The following CCDC6 variants were observed in gnomAD, a reference collection of about 807,000 sequenced individuals.
CCDC6 encodes the protein coiled-coil domain containing 6, also known as coiled-coil domain-containing protein 6.
In CCDC6, 20 loss-of-function variants were observed where a neutral mutation model predicts 56.6. That is an observed-to-expected ratio of 0.35 (90% CI 0.25 to 0.51). CCDC6 has a LOEUF of 0.51. Ranked by LOEUF, CCDC6 falls within the 20% of genes least tolerant of loss-of-function variation. The pLI, the probability that CCDC6 is intolerant of heterozygous loss-of-function variation, is 0.95. For synonymous variants in CCDC6, 241 were observed against 234.4 expected, an observed-to-expected ratio of 1.03 and a Z score of -0.26; for missense variants, 367 against 601.1, an observed-to-expected ratio of 0.61 and a Z score of 4.07.
intron 2 of CCDC6, among the ~76,000 whole-genome samples, chr10:59,851,134 A>G (rs915668626): frequency 2.8e-4 from 30 of 106,764 alleles, no homozygotes; most frequent in African/African-American, 5.1e-4. Flanking sequence ...GTAAATTGAA[A>G]AAAAAAAAAA....
At chr10:59,855,620 G>T (rs1302303609) in intron 1 of CCDC6, among the ~76,000 whole-genome samples, 1 of 152,146 alleles carries the variant, frequency 6.6e-6, no homozygotes, top group East Asian at 1.9e-4. Context: ...GAGGGGATGG[G>T]AATGACTGCT....
At chr10:59,808,542 G>C (rs771800100) in intron 5 of CCDC6, among the ~76,000 whole-genome samples, 2 of 152,054 alleles carry the variant, frequency 1.3e-5, no homozygotes, top group East Asian at 3.9e-4. Context: ...CCTTGTCTTT[G>C]TCAATGAACT....
At chr10:59,871,384 C>G (rs1198926377) in intron 1 of CCDC6, among the ~76,000 whole-genome samples, 1 of 147,178 alleles carries the variant, frequency 6.8e-6, no homozygotes, top group Non-Finnish European at 1.5e-5. Context: ...TACACGTACA[C>G]ACAAATCTCG....
chr10:59,807,402 T>C (rs575164604), intron 5 of CCDC6, among the ~76,000 whole-genome samples: 1 of 152,132 alleles, frequency 6.6e-6, no homozygotes, highest in South Asian at 2.1e-4. Flanking sequence ...GGAGAACTGC[T>C]TGAACTCAGG....
At chr10:59,866,631 T>C (rs551165710) in intron 1 of CCDC6, among the ~76,000 whole-genome samples, 47 of 149,686 alleles carry the variant, frequency 3.1e-4, no homozygotes, top group African/African-American at 1.1e-3. Context: ...ACGTCGTATA[T>C]AGGGAAACTA....
chr10:59,818,251 G>T (rs1031444998), intron 3 of CCDC6, among the ~76,000 whole-genome samples: 2 of 152,136 alleles, frequency 1.3e-5, no homozygotes, highest in Admixed American at 1.3e-4. Flanking sequence ...GGAAACATGG[G>T]TTGGAGCTCT....
chr10:59,806,054 A>C (rs1231590689), intron 6 of CCDC6, among the ~76,000 whole-genome samples: 2 of 152,112 alleles, frequency 1.3e-5, no homozygotes, highest in African/African-American at 2.4e-5. Context: ...CCCCAAGAAT[A>C]CTCAGTCTCA....
Position 59,796,695 on chromosome 10 carries a change from C to T in CCDC6, c.1106-2098G>A, listed in dbSNP as rs551653887. On this transcript the variant is annotated intron_variant, in intron 7 of 8. Coordinates refer to ENST00000263102, the MANE Select transcript of CCDC6 (RefSeq NM_005436.5). ...ATAGCAAAAATGTGGAGGCCTGGAG[C>T]GGTGGCTCACGCCTGTAATCCCAGC... Among the ~76,000 whole-genome samples the T allele has an allele frequency of 5.9e-5, 9 of 152,206 alleles. No homozygotes were observed. In the South Asian group the frequency reaches 1.0e-3, roughly 18 times the overall value.
chr10:59,846,614 T>G (rs1158209681), intron 2 of CCDC6, among the ~76,000 whole-genome samples: 1 of 152,226 alleles, frequency 6.6e-6, no homozygotes, highest in Non-Finnish European at 1.5e-5. Context: ...TATTAGGATA[T>G]GGCTACAATA....
At position 59,790,618 on chromosome 10, in the gene CCDC6, A is replaced by G. The variant is rs1328097545; in HGVS notation, c.*2299T>C. 1.4e-5 allele frequency: 3 copies of G among 221,616 alleles called. No individual in the cohort carries two copies. The highest frequency in any genetic ancestry group is 2.7e-5 in the Non-Finnish European group (3 of 110,782). The allele number at this position is 221,616 out of a possible 1,614,324, so 13.7% of individuals were successfully genotyped here. The stretch of plus-strand genomic sequence containing the variant: ...AGTAGTGTTTGTTCTATCAGTTCTG[A>G]ATGTCCACAGGGAGAGGCAACTAGA... On this transcript the variant is annotated 3_prime_UTR_variant, in exon 9 of 9. Coordinates refer to ENST00000263102, the MANE Select transcript of CCDC6 (RefSeq NM_005436.5).
At chr10:59,894,807 C>G (rs1217424840) in intron 1 of CCDC6, among the ~76,000 whole-genome samples, 3 of 152,138 alleles carry the variant, frequency 2.0e-5, no homozygotes, top group Non-Finnish European at 4.4e-5. Context: ...GGAAGGGGAG[C>G]ACAGACTGTC....
At chr10:59,873,801 T>C (rs2071253246) in intron 1 of CCDC6, among the ~76,000 whole-genome samples, 1 of 152,270 alleles carries the variant, frequency 6.6e-6, no homozygotes, top group Non-Finnish European at 1.5e-5. Context: ...GTGATGATTT[T>C]GTAATAGACT....
chr10:59,844,980 C>T (rs545459644), intron 2 of CCDC6, among the ~76,000 whole-genome samples: 3 of 152,140 alleles, frequency 2.0e-5, no homozygotes, highest in African/African-American at 4.8e-5. Flanking sequence ...GATATAACTC[C>T]GTATTTTAAA....
intron 3 of CCDC6, among the ~76,000 whole-genome samples, chr10:59,823,190 C>T (rs991436345): frequency 7.2e-5 from 11 of 152,210 alleles, no homozygotes; most frequent in Non-Finnish European, 1.5e-4. Flanking sequence ...AGTGCAGATA[C>T]AAAAGGCTGT....
chr10:59,813,607 T>C (rs1194298709), intron 4 of CCDC6, among the ~76,000 whole-genome samples: 1 of 152,194 alleles, frequency 6.6e-6, no homozygotes, highest in Non-Finnish European at 1.5e-5. Flanking sequence ...CTTTGTACCT[T>C]TGAGTTTGTC....
intron 1 of CCDC6, among the ~76,000 whole-genome samples, chr10:59,869,437 A>G (rs2071208827): frequency 2.0e-5 from 3 of 151,160 alleles, no homozygotes; most frequent in Non-Finnish European, 4.4e-5. Flanking sequence ...AAGAAAAAAA[A>G]AAAACAGAAA....
At chr10:59,814,339 G>A (rs1446823107) in intron 4 of CCDC6, among the ~76,000 whole-genome samples, 1 of 152,146 alleles carries the variant, frequency 6.6e-6, no homozygotes, top group Non-Finnish European at 1.5e-5. Context: ...CAATAAGGTG[G>A]AAAGTTGAAA....
chr10:59,813,212 T>C (rs115810900), intron 4 of CCDC6, among the ~76,000 whole-genome samples: 2,056 of 152,282 alleles, frequency 0.014, 53 homozygotes, highest in African/African-American at 0.045. Context: ...TCTAAGCTAC[T>C]ATGAATCTCC....
chr10:59,865,687 A>G (rs189244076), intron 1 of CCDC6, among the ~76,000 whole-genome samples: 10 of 152,006 alleles, frequency 6.6e-5, no homozygotes, highest in African/African-American at 2.4e-4. Context: ...CTCTGTCTCT[A>G]CTAAAAATAC....
Sources: gnomAD v4.1 joint callset for allele counts (sites outside exome capture counted in the v4.1 genomes callset) on GRCh38, gnomAD v4.1.1 for gene constraint, MANE v1.5 for transcripts, NCBI Gene and HGNC (gene_info 2026-07-23, HGNC 2026-07-21) for gene names.